The following DIP2C variants were observed in gnomAD, a reference collection of about 807,000 sequenced individuals.
DIP2C encodes disco-interacting protein 2 homolog C.
Under a neutral mutation model 192.4 loss-of-function variants are expected in DIP2C, and 33 were observed. The ratio of observed to expected loss-of-function variants is 0.17; its 90% CI spans 0.13 to 0.23. DIP2C has a LOEUF of 0.23. Among genes scored for constraint, DIP2C ranks in the 10% least tolerant of loss-of-function variants. The probability of loss-of-function intolerance (pLI) is 1.00; values close to 1 mark genes in which losing one functional copy is unlikely to be tolerated. For synonymous variants in DIP2C, 979 were observed against 864.1 expected (o/e 1.13, Z -2.33); for missense variants, 1,537 against 2,110.1 (o/e 0.73, Z 5.32).
At position 281,360 on chromosome 10, in the gene DIP2C, A is replaced by T. The variant is rs770780217; in HGVS notation, c.4295-37T>A. ...TGACAGCCTGCGTAAGCTTCCCCATAATGCCGCTCAAGCCGTTTCCTTCTT... is the reference window on the plus strand; with the variant it reads ...TGACAGCCTGCGTAAGCTTCCCCATTATGCCGCTCAAGCCGTTTCCTTCTT... On this transcript the variant is annotated intron_variant, in intron 35 of 36. Transcript: ENST00000280886. 18 of 1,571,206 alleles carry T rather than the reference A, an allele frequency of 1.1e-5. No homozygotes were observed. In the East Asian group the frequency reaches 4.1e-4, roughly 36 times the overall value.
chr10:602,508 G>A (rs1033643049), intron 1 of DIP2C, among the ~76,000 whole-genome samples: 5 of 152,202 alleles, frequency 3.3e-5, no homozygotes, highest in African/African-American at 1.2e-4. Context: ...TGGTGTCCTT[G>A]TTGGAAGGCC....
intron 1 of DIP2C, among the ~76,000 whole-genome samples, chr10:521,162 G>A (rs79836951): frequency 1.6e-3 from 246 of 152,176 alleles, no homozygotes; most frequent in African/African-American, 5.6e-3. Flanking sequence ...ACTTTTACAG[G>A]TAAATCAATA....
chr10:331,485 A>G (rs1162186026), intron 29 of DIP2C, among the ~76,000 whole-genome samples: 1 of 152,220 alleles, frequency 6.6e-6, no homozygotes, highest in Admixed American at 6.5e-5. Context: ...AAAGATATTC[A>G]TGAAAAAATC....
chr10:604,861 A>G (rs1389840341), intron 1 of DIP2C, among the ~76,000 whole-genome samples: 1 of 152,190 alleles, frequency 6.6e-6, no homozygotes, highest in Non-Finnish European at 1.5e-5. Flanking sequence ...GGAAAAGCAC[A>G]AATTTCCACT....
chr10:648,404 G>C (rs907590799), intron 1 of DIP2C, among the ~76,000 whole-genome samples: 1 of 151,234 alleles, frequency 6.6e-6, no homozygotes, highest in African/African-American at 2.4e-5. Context: ...GAGACCAGAA[G>C]GAAACTGAGT....
intron 1 of DIP2C, among the ~76,000 whole-genome samples, chr10:594,649 C>G (rs1352240839): frequency 6.7e-6 from 1 of 149,330 alleles, no homozygotes; most frequent in African/African-American, 2.6e-5. Flanking sequence ...GGTGCTTTCT[C>G]GAGTCCCTGG....
chr10:405,351 A>G (rs952289154), intron 9 of DIP2C, among the ~76,000 whole-genome samples: 1 of 152,246 alleles, frequency 6.6e-6, no homozygotes, highest in African/African-American at 2.4e-5. Flanking sequence ...TTCATATTAT[A>G]GACCACTGCA....
intron 1 of DIP2C, among the ~76,000 whole-genome samples, chr10:515,160 T>C (rs1281419611): frequency 6.6e-6 from 1 of 152,184 alleles, no homozygotes; most frequent in Non-Finnish European, 1.5e-5. Context: ...AATTGGTTCT[T>C]TAAAGTGTTA....
chr10:407,968 C>T (rs557497163), intron 9 of DIP2C, among the ~76,000 whole-genome samples: 2 of 152,184 alleles, frequency 1.3e-5, no homozygotes, highest in East Asian at 1.9e-4. Flanking sequence ...GCCTGTGGTT[C>T]GGGTGCCACA....
At chr10:431,117 T>C (rs538542783) in intron 4 of DIP2C, among the ~76,000 whole-genome samples, 1 of 152,384 alleles carries the variant, frequency 6.6e-6, no homozygotes, top group South Asian at 2.1e-4. Flanking sequence ...CACTGATTTA[T>C]AGTAAGTCTT....
At chr10:280,060 TTC>T (rs908044895) in intron 36 of DIP2C, among the ~76,000 whole-genome samples, 6 of 152,124 alleles carry the variant, frequency 3.9e-5, no homozygotes, top group Admixed American at 2.6e-4. Context: ...TTCCTAGAGT[TTC>T]TGTCTTCTCT....
intron 4 of DIP2C, chr10:437,951 C>G (rs1434243340): frequency 2.6e-5 from 4 of 152,138 alleles, no homozygotes; most frequent in African/African-American, 7.2e-5. Context: ...TTCAAGTAAG[C>G]AGGGTAATAA....
At position 480,465 on chromosome 10, in the gene DIP2C, A is replaced by C. The variant is rs192595602; in HGVS notation, c.157+5994T>G. Among the ~76,000 whole-genome samples the C allele has an allele frequency of 1.8e-4, 28 of 152,296 alleles. No homozygotes were observed. In the East Asian group the frequency reaches 3.3e-3, roughly 18 times the overall value. The stretch of plus-strand genomic sequence containing the variant: ...CCAGCCTGAGCCCTGGTCCATGCTC[A>C]CTGGATGACGGTCTCATCTACCAGC... On this transcript the variant is annotated intron_variant, in intron 2 of 36. Transcript: ENST00000280886.
chr10:379,854 C>T (rs111811552), intron 17 of DIP2C, among the ~76,000 whole-genome samples: 14 of 151,556 alleles, frequency 9.2e-5, no homozygotes, highest in East Asian at 7.7e-4. Context: ...ATGGTTAACA[C>T]GCAGAAGAGG....
At chr10:568,958 G>C (rs17159679) in intron 1 of DIP2C, among the ~76,000 whole-genome samples, 4,433 of 152,144 alleles carry the variant, frequency 0.029, 122 homozygotes, top group East Asian at 0.15. Flanking sequence ...GAAATGAACA[G>C]CTGTGCCAGA....
At chr10:447,778 C>T (rs1359623419) in intron 3 of DIP2C, among the ~76,000 whole-genome samples, 3 of 106,258 alleles carry the variant, frequency 2.8e-5, no homozygotes, top group South Asian at 3.1e-4. Flanking sequence ...CCCGTCTATA[C>T]TCAGGATCAC....
chr10:613,848 G>T (rs993440950), intron 1 of DIP2C, among the ~76,000 whole-genome samples: 1 of 151,684 alleles, frequency 6.6e-6, no homozygotes, highest in Admixed American at 6.6e-5. Flanking sequence ...CCCTGCTTTG[G>T]TTCCCCGGCC....
Position 277,192 on chromosome 10 carries a change from C to T in DIP2C, c.*133G>A. 7.3e-7 allele frequency: 1 copy of T among 1,364,850 alleles called. No individual in the cohort carries two copies. The highest frequency in any genetic ancestry group is 9.9e-7 in the Non-Finnish European group (1 of 1,008,354). 84.5% of individuals were successfully genotyped at this position (1,364,850 alleles called of 1,614,324 possible). On this transcript the variant is annotated 3_prime_UTR_variant, in exon 37 of 37. Transcript: ENST00000280886. ...GCTGCTGTGAGAAGTCCTCTTCCTC[C>T]TCCTCTTCCTCCTCCACTCTCACCA...
At chr10:617,321 C>T (rs1853537793) in intron 1 of DIP2C, among the ~76,000 whole-genome samples, 1 of 152,150 alleles carries the variant, frequency 6.6e-6, no homozygotes. Flanking sequence ...GGCTGAGACA[C>T]TAGTTCCACC....
Sources: gnomAD v4.1 joint callset for allele counts (sites outside exome capture counted in the v4.1 genomes callset) on GRCh38, gnomAD v4.1.1 for gene constraint, MANE v1.5 for transcripts, NCBI Gene and HGNC (gene_info 2026-07-23, HGNC 2026-07-21) for gene names.